The following TRPC1 variants were observed in gnomAD, a reference collection of about 807,000 sequenced individuals.
TRPC1 encodes the protein short transient receptor potential channel 1.
TRPC1 carries 42 observed loss-of-function variants against 88.2 expected under a neutral mutation model. That is an observed-to-expected ratio of 0.48 (90% CI 0.37 to 0.62). The LOEUF is 0.62. Ranked by LOEUF, TRPC1 falls within the 20% of genes least tolerant of loss-of-function variation. TRPC1 has a pLI of 0.00. For missense variants in TRPC1, 699 were observed against 957.3 expected (o/e 0.73, Z 3.56); for synonymous variants, 288 against 331.8 (o/e 0.87, Z 1.43).
At chr3:142,785,559 T>C (rs1936107445) in intron 7 of TRPC1, among the ~76,000 whole-genome samples, 1 of 152,234 alleles carries the variant, frequency 6.6e-6, no homozygotes, top group African/African-American at 2.4e-5. Flanking sequence ...TGGAGTGCAA[T>C]GGCACAGTCT....
intron 4 of TRPC1, among the ~76,000 whole-genome samples, chr3:142,754,344 A>C (rs944247834): frequency 1.3e-5 from 2 of 152,086 alleles, no homozygotes; most frequent in Non-Finnish European, 2.9e-5. Context: ...AATTTAAAAA[A>C]ACTTGAGAAA....
Position 142,724,700 on chromosome 3 carries a change from T to C in TRPC1, c.141T>C (p.Asn47=). 1.2e-6 allele frequency: 2 copies of C among 1,603,456 alleles called. No individual in the cohort carries two copies. The highest frequency in any genetic ancestry group is 1.7e-6 in the Non-Finnish European group (2 of 1,173,276). The part of the protein sequence containing the change: ...VREVKEENTL[N]EKLFLLACDK... ...AGGTGAAGGAGGAGAATACGCTGAATGAGAAGCTTTTCTTGCTGGCGTGCG... is the reference window on the plus strand; with the variant it reads ...AGGTGAAGGAGGAGAATACGCTGAACGAGAAGCTTTTCTTGCTGGCGTGCG... The change falls in exon 1 of 13, where the codon AAT becomes AAC. Residue 47 remains asparagine (N), a synonymous_variant. Coordinates refer to ENST00000476941, the MANE Select transcript of TRPC1 (RefSeq NM_001251845.2). The surrounding 1 kb of genome is among the most constrained non-coding windows in gnomAD (Gnocchi z 5.6).
At chr3:142,790,858 A>C (rs1210616605) in intron 7 of TRPC1, among the ~76,000 whole-genome samples, 161 bp from the exon 8 acceptor site, 1 of 151,618 alleles carries the variant, frequency 6.6e-6, no homozygotes, top group Non-Finnish European at 1.5e-5. Flanking sequence ...ATTTTCTTTC[A>C]GATTTTAAGA....
chr3:142,801,047 A>G (rs1936604402), intron 9 of TRPC1, among the ~76,000 whole-genome samples: 1 of 152,080 alleles, frequency 6.6e-6, no homozygotes, highest in Non-Finnish European at 1.5e-5. Flanking sequence ...TATCTATATT[A>G]AAATATGTAT....
intron 11 of TRPC1, 121 bp from the exon 12 acceptor site, chr3:142,804,314 TG>T: frequency 8.7e-7 from 1 of 1,143,572 alleles, no homozygotes; most frequent in Non-Finnish European, 1.2e-6. Flanking sequence ...ATTTTTAAAA[TG>T]TAAGTAATGT....
chr3:142,772,226 C>T (rs1279514934), intron 4 of TRPC1, among the ~76,000 whole-genome samples: 1 of 152,050 alleles, frequency 6.6e-6, no homozygotes, highest in Non-Finnish European at 1.5e-5. Context: ...AAGTTGTTAG[C>T]TATTATTTCT....
intron 7 of TRPC1, 29 bp from the exon 8 acceptor site, chr3:142,790,990 T>C: frequency 6.5e-7 from 1 of 1,527,848 alleles, no homozygotes; most frequent in Non-Finnish European, 8.8e-7. Flanking sequence ...TAAGAAAGTG[T>C]TATCTGATTT....
At chr3:142,734,287 A>G (rs951314540) in intron 1 of TRPC1, among the ~76,000 whole-genome samples, 6 of 152,238 alleles carry the variant, frequency 3.9e-5, no homozygotes, top group Admixed American at 3.9e-4. Flanking sequence ...GGAAATGAAA[A>G]CATAAGAAAA....
chr3:142,763,086 A>G (rs1474837630), intron 4 of TRPC1, among the ~76,000 whole-genome samples: 1 of 152,090 alleles, frequency 6.6e-6, no homozygotes, highest in African/African-American at 2.4e-5. Context: ...GTAGCCTAAG[A>G]TATGGTCTGT....
intron 4 of TRPC1, among the ~76,000 whole-genome samples, chr3:142,772,521 C>T (rs575837766): frequency 6.6e-5 from 10 of 152,096 alleles, no homozygotes; most frequent in African/African-American, 1.9e-4. Context: ...TGTGGCTGGG[C>T]GCCGTGGCTC....
In TRPC1 at chr3:142,778,109, T is replaced by C. The variant is rs3773502; in HGVS notation, c.764+346T>C. Among the ~76,000 whole-genome samples the C allele has an allele frequency of 4.6e-3, 698 of 152,290 alleles. 25 individuals carry two copies. The East Asian group carries it at 0.09, about 20-fold the overall frequency. On this transcript the variant is annotated intron_variant, in intron 5 of 12. Coordinates refer to ENST00000476941, the MANE Select transcript of TRPC1 (RefSeq NM_001251845.2). Reference sequence around the variant, plus strand: ...ATAGTTGCTCTCTCTCTCACACATATCTCCTCATTCTCTGACTCTATAATC... The same window carrying C: ...ATAGTTGCTCTCTCTCTCACACATACCTCCTCATTCTCTGACTCTATAATC...
chr3:142,773,287 A>C (rs1935640497), intron 4 of TRPC1, among the ~76,000 whole-genome samples: 1 of 151,998 alleles, frequency 6.6e-6, no homozygotes, highest in South Asian at 2.1e-4. Flanking sequence ...ATCTCAGCTC[A>C]CTGCAACCTT....
chr3:142,724,551 T>A lies in TRPC1; in HGVS notation c.-9T>A. ...CCCGTCTCCTGGCCTGCCCCCTTCA[T>A]GGGCCGCGATGATGGCGGCCCTGTA... is the stretch of plus-strand genomic sequence containing the variant. On this transcript the variant is annotated 5_prime_UTR_variant, in exon 1 of 13. The change abolishes an upstream ATG in the 5' untranslated region. Transcript: ENST00000476941. This position sits in a 1 kb window ranked among gnomAD's most constrained non-coding sequence, Gnocchi z 5.6. 1 of 1,549,382 alleles carries A rather than the reference T, an allele frequency of 6.5e-7. No individual in the cohort carries two copies. The highest frequency in any genetic ancestry group is 2.3e-4 in the Middle Eastern group (1 of 4,310).
At chr3:142,801,026 A>T (rs1294744970) in intron 9 of TRPC1, among the ~76,000 whole-genome samples, 1 of 152,092 alleles carries the variant, frequency 6.6e-6, no homozygotes, top group Non-Finnish European at 1.5e-5. Flanking sequence ...CTTCCTATGC[A>T]TATTAAAGCA....
intron 9 of TRPC1, chr3:142,801,280 T>TTAAAAAA (rs58615088): frequency 6.6e-6 from 1 of 152,006 alleles, no homozygotes. Context: ...CCAAAAAATA[T>TTAAAAAA]TAAAAAATAA....
intron 3 of TRPC1, among the ~76,000 whole-genome samples, chr3:142,747,674 C>T (rs1432722110): frequency 6.6e-6 from 1 of 152,108 alleles, no homozygotes; most frequent in Non-Finnish European, 1.5e-5. Context: ...TCATTAAATA[C>T]TAGCATTATT....
rs1936650697 is a variant in TRPC1, at chr3:142,802,418, T to A, written c.1757+74T>A. 3.8e-6 allele frequency: 4 copies of A among 1,054,588 alleles called. No individual in the cohort carries two copies. The South Asian group carries it at 1.5e-4, about 41-fold the overall frequency. The allele number at this position is 1,054,588 out of a possible 1,614,324, so 65.3% of individuals were successfully genotyped here. ...TTACCATCTTCTATATGAATTAGTA[T>A]CTATAGAAATGGAACTTCACATTTT... On this transcript the variant is annotated intron_variant, in intron 10 of 12. Transcript: ENST00000476941.
intron 4 of TRPC1, among the ~76,000 whole-genome samples, chr3:142,765,384 A>G (rs889007252): frequency 1.3e-5 from 2 of 152,232 alleles, no homozygotes; most frequent in Admixed American, 1.3e-4. Context: ...AGCAAAAAGA[A>G]CAAAGTCAGA....
chr3:142,753,541 G>A (rs565687127), intron 4 of TRPC1, among the ~76,000 whole-genome samples: 5 of 152,016 alleles, frequency 3.3e-5, no homozygotes, highest in East Asian at 1.9e-4. Flanking sequence ...GAGGCAGGCC[G>A]ATCACCTGAG....
Sources: allele counts gnomAD v4.1 joint callset (sites outside exome capture counted in the v4.1 genomes callset), GRCh38; gene constraint gnomAD v4.1.1; non-coding constraint Gnocchi (gnomAD v3.1); transcripts MANE v1.5; gene names NCBI Gene and HGNC (gene_info 2026-07-23, HGNC 2026-07-21).